The following DNAH8 variants were observed in gnomAD, a reference collection of about 807,000 sequenced individuals.
DNAH8 encodes axonemal beta dynein heavy chain 8.
Under a neutral mutation model 562.1 loss-of-function variants are expected in DNAH8, and 382 were observed. The observed-to-expected ratio is 0.68, with a 90% CI of 0.63 to 0.74. DNAH8 has a LOEUF of 0.74. DNAH8 is among the 30% of genes least tolerant of loss of function. The pLI is 0.00. For synonymous variants in DNAH8, 1,881 were observed against 1,919.4 expected, an observed-to-expected ratio of 0.98 and a Z score of 0.52; for missense variants, 5,203 against 5,620.4, an observed-to-expected ratio of 0.93 and a Z score of 2.37.
intron 8 of DNAH8, 96 bp downstream of exon 8, chr6:38,741,983 G>GT: frequency 1.1e-6 from 1 of 944,066 alleles, no homozygotes; most frequent in South Asian, 2.2e-5. Context: ...TACTGGAATC[G>GT]TGTTTAGAAG....
chr6:38,978,621 A>G (rs1763829125), intron 85 of DNAH8, among the ~76,000 whole-genome samples: 1 of 152,060 alleles, frequency 6.6e-6, no homozygotes, highest in African/African-American at 2.4e-5. Flanking sequence ...TTCTTTGTAT[A>G]TTAGCTCCAG....
At chr6:38,897,737 G>A (rs186880021) in intron 60 of DNAH8, among the ~76,000 whole-genome samples, 1 of 152,068 alleles carries the variant, frequency 6.6e-6, no homozygotes, top group Non-Finnish European at 1.5e-5. Flanking sequence ...GCTATGATTG[G>A]ACCACTGCAC....
chr6:38,918,792 T>C (rs1781489484), intron 70 of DNAH8, among the ~76,000 whole-genome samples: 1 of 152,104 alleles, frequency 6.6e-6, no homozygotes, highest in African/African-American at 2.4e-5. Flanking sequence ...ATCACTCAGA[T>C]ACACACTGCC....
chr6:38,829,400 C>A (rs1618774), intron 30 of DNAH8, among the ~76,000 whole-genome samples: 32,196 of 151,946 alleles, frequency 0.21, 4,282 homozygotes, highest in African/African-American at 0.37. Context: ...ATCTGGGAAA[C>A]CATTGCCCAA....
chr6:38,783,008 A>T lies in DNAH8; in HGVS notation c.2264A>T (p.Asn755Ile), dbSNP rs1328382410. The change falls in exon 17 of 93, where the codon AAC (asparagine) becomes ATC (isoleucine). Residue 755 changes from asparagine (N) to isoleucine (I), a missense_variant. Coordinates refer to ENST00000327475, the MANE Select transcript of DNAH8 (RefSeq NM_001206927.2). ...ISEPINYFFK[N>I]SDILSSPDGK... is the part of the protein sequence containing the mutation. ...TCTTTTCCCTTAAAAAAACAGAAAA[A>T]CTCAGACATTTTATCAAGTCCGGAC... The T allele has an allele frequency of 2.5e-6, 4 of 1,610,272 alleles. No individual in the cohort carries two copies. Among genetic ancestry groups the T allele is most frequent in the Middle Eastern group, 1.7e-4 (1 of 6,060 alleles).
In DNAH8 at chr6:38,886,836, T is replaced by C. The variant is rs1261858637; in HGVS notation, c.8305T>C (p.Tyr2769His). 1.2e-6 allele frequency: 2 copies of C among 1,614,000 alleles called. No individual in the cohort carries two copies. The highest frequency in any genetic ancestry group is 2.2e-5 in the East Asian group (1 of 44,864). Residue 2769 changes from tyrosine (Y) to histidine (H), a missense_variant, in exon 57 of 93, where the codon TAC (tyrosine) becomes CAC (histidine). Tyr to His is a moderately conservative substitution (Grantham distance 83, BLOSUM62 2). Transcript: ENST00000327475. ...VRQMMEMEGMYSLDKPGDFTT... is the reference protein window; with the variant it reads ...VRQMMEMEGMHSLDKPGDFTT... ...ACAGATGATGGAAATGGAAGGAATG[T>C]ACAGCTTGGACAAGCCTGGAGACTT...
At chr6:38,854,358 A>G (rs1776014667) in intron 41 of DNAH8, among the ~76,000 whole-genome samples, 1 of 152,156 alleles carries the variant, frequency 6.6e-6, no homozygotes, top group Admixed American at 6.5e-5. Context: ...GAGATATCCA[A>G]GGAAAACGTA....
At position 38,831,446 on chromosome 6, in the gene DNAH8, A is replaced by AG. The variant is rs199904619; in HGVS notation, c.4189-876_4189-875insG. Among the ~76,000 whole-genome samples the AG allele has an allele frequency of 7.1e-3, 1,071 of 151,534 alleles. 10 individuals are homozygous for AG. Among genetic ancestry groups the AG allele is most frequent in the African/African-American group, 0.025 (1,014 of 41,194 alleles). On this transcript the variant is annotated intron_variant, in intron 30 of 92. Transcript: ENST00000327475. Reference sequence around the variant, plus strand: ...ACACCATCTCAAAAAAAAAAAAAAAAAAAAGAAAAAAGAAAGACTCACTTA... The same window carrying AG: ...ACACCATCTCAAAAAAAAAAAAAAAAGAAAAGAAAAAAGAAAGACTCACTTA...
chr6:38,973,010 T>C (rs1032150662), intron 83 of DNAH8, among the ~76,000 whole-genome samples: 2 of 152,238 alleles, frequency 1.3e-5, no homozygotes, highest in African/African-American at 2.4e-5. Flanking sequence ...GATAGCTGAT[T>C]CCTGTATAAA....
chr6:38,903,247 G>C (rs1361416587), intron 62 of DNAH8, among the ~76,000 whole-genome samples: 2 of 152,184 alleles, frequency 1.3e-5, no homozygotes, highest in East Asian at 3.8e-4. Flanking sequence ...TCTGCAGGCT[G>C]TACAGGAAGT....
chr6:38,729,326 A>G (rs554536223), intron 3 of DNAH8, among the ~76,000 whole-genome samples: 57 of 152,194 alleles, frequency 3.7e-4, no homozygotes, highest in Non-Finnish European at 2.9e-4. Context: ...TTCCCATAGG[A>G]TATTTCAGGG....
At chr6:39,002,790 T>G (rs1004768901) in intron 88 of DNAH8, among the ~76,000 whole-genome samples, 2 of 152,220 alleles carry the variant, frequency 1.3e-5, no homozygotes, top group African/African-American at 4.8e-5. Flanking sequence ...AAAGGTAATA[T>G]GAAGCTAATA....
At chr6:38,840,796 A>G (rs751885788) in intron 33 of DNAH8, among the ~76,000 whole-genome samples, 40 of 152,188 alleles carry the variant, frequency 2.6e-4, no homozygotes, top group Non-Finnish European at 5.9e-5. Context: ...ACAAGCAAAA[A>G]TCAAAAGACA....
chr6:38,899,910 G>A lies in DNAH8; in HGVS notation c.9194+4G>A, dbSNP rs1397795512. 6.4e-7 allele frequency: 1 copy of A among 1,558,950 alleles called. No homozygotes were observed. Among genetic ancestry groups the A allele is most frequent in the Non-Finnish European group, 8.6e-7 (1 of 1,156,234 alleles). ...TATTCCAGATAACATTAACCAGGTA[G>A]GATGAAATAAAACACAATATGTTTT... On this transcript the variant is annotated splice_donor_region_variant and intron_variant, in intron 62 of 92. Coordinates refer to ENST00000327475, the MANE Select transcript of DNAH8 (RefSeq NM_001206927.2).
chr6:38,850,660 A>G (rs975571106), intron 38 of DNAH8, among the ~76,000 whole-genome samples: 1 of 152,248 alleles, frequency 6.6e-6, no homozygotes. Flanking sequence ...TTAAAGCAAC[A>G]GAAATTCATT....
chr6:39,007,949 A>C (rs1421782882), intron 88 of DNAH8, among the ~76,000 whole-genome samples: 209 of 66,872 alleles, frequency 3.1e-3, no homozygotes, highest in African/African-American at 0.011. Flanking sequence ...CCACCCACCC[A>C]CACACACACA....
rs1490646197 is a variant in DNAH8 at position 38,723,151 on chromosome 6, G to A, written c.342G>A (p.Arg114=). The A allele has an allele frequency of 6.2e-7, 1 of 1,612,560 alleles. No homozygotes were observed. The highest frequency in any genetic ancestry group is 8.5e-7 in the Non-Finnish European group (1 of 1,179,890). Residue 114 remains arginine (R), a synonymous_variant, in exon 2 of 93, where the codon CGG becomes CGA. Coordinates refer to ENST00000327475, the MANE Select transcript of DNAH8 (RefSeq NM_001206927.2). Reference sequence around the variant, plus strand: ...CCCGGAGGTCCTCCAGATACCGCCGGAGTATGAGTGGCCTTCCCAATCTAC... The same window carrying A: ...CCCGGAGGTCCTCCAGATACCGCCGAAGTATGAGTGGCCTTCCCAATCTAC... ...PSSRRSSRYR[R]SMSGLPNLQE...
chr6:38,787,644 C>T (rs372867771), intron 18 of DNAH8, among the ~76,000 whole-genome samples: 3 of 144,450 alleles, frequency 2.1e-5, no homozygotes, highest in Admixed American at 7.3e-5. Flanking sequence ...TGCAGTGAGC[C>T]GAGATTGCTC....
intron 14 of DNAH8, among the ~76,000 whole-genome samples, chr6:38,779,521 G>A (rs1768382408): frequency 6.6e-6 from 1 of 152,126 alleles, no homozygotes; most frequent in East Asian, 1.9e-4. Context: ...AGCTGACAAA[G>A]TTGTTTTTGT....
Sources: allele counts gnomAD v4.1 joint callset (sites outside exome capture counted in the v4.1 genomes callset), GRCh38; gene constraint gnomAD v4.1.1; transcripts MANE v1.5; gene names NCBI Gene and HGNC (gene_info 2026-07-23, HGNC 2026-07-21).